Variants in RYK observed in about 807,000 individuals in gnomAD.
RYK encodes inactive tyrosine-protein kinase RYK.
RYK carries 21 observed loss-of-function variants against 70.2 expected under a neutral mutation model. The ratio of observed to expected loss-of-function variants is 0.30; its 90% CI spans 0.21 to 0.43. The LOEUF is 0.43. Ranked by LOEUF, RYK falls within the 20% of genes least tolerant of loss-of-function variation. The pLI, the probability that RYK is intolerant of heterozygous loss-of-function variation, is 1.00. For synonymous variants in RYK, 267 were observed against 278.0 expected (o/e 0.96, Z 0.39); for missense variants, 604 against 753.3 (o/e 0.80, Z 2.32).
chr3:134,233,726 T>C (rs1162839443), intron 1 of RYK, among the ~76,000 whole-genome samples: 1 of 152,180 alleles, frequency 6.6e-6, no homozygotes, highest in Admixed American at 6.5e-5. Flanking sequence ...TAGGCTTCTT[T>C]GAAGACAGGT....
chr3:134,225,199 G>T (rs1405408601), intron 1 of RYK, among the ~76,000 whole-genome samples: 2 of 152,226 alleles, frequency 1.3e-5, no homozygotes, highest in Admixed American at 6.5e-5. Context: ...GGAGAAAGGG[G>T]TTAGAGGAAA....
intron 10 of RYK, chr3:134,179,335 C>A (rs1238255524): frequency 6.6e-6 from 1 of 152,174 alleles, no homozygotes; most frequent in Admixed American, 6.5e-5. Flanking sequence ...GGCACAATCA[C>A]CAATGCACAA....
At chr3:134,159,421 C>CA (rs2012374108) in intron 13 of RYK, 48 bp from the exon 14 acceptor site, 1 of 1,526,348 alleles carries the variant, frequency 6.6e-7, no homozygotes, top group East Asian at 2.3e-5. Context: ...AAACAACAGT[C>CA]AGGGGGCTAG....
intron 1 of RYK, among the ~76,000 whole-genome samples, chr3:134,236,007 TG>T (rs2015191266): frequency 2.0e-5 from 3 of 151,662 alleles, no homozygotes; most frequent in Admixed American, 2.0e-4. Context: ...GTGCCTTATT[TG>T]GGAAAAAAAA....
chr3:134,225,776 G>A (rs1327429414), intron 1 of RYK, among the ~76,000 whole-genome samples: 1 of 151,870 alleles, frequency 6.6e-6, no homozygotes, highest in African/African-American at 2.4e-5. Context: ...AGGATGGCTT[G>A]AGCTCAGGAA....
intron 1 of RYK, among the ~76,000 whole-genome samples, chr3:134,232,339 A>ACTC (rs1371004299): frequency 6.6e-6 from 1 of 151,834 alleles, no homozygotes; most frequent in Non-Finnish European, 1.5e-5. Context: ...TCTTGAACTC[A>ACTC]CTCCTCTACT....
chr3:134,185,375 C>G (rs953946919), intron 9 of RYK, among the ~76,000 whole-genome samples: 1 of 152,122 alleles, frequency 6.6e-6, no homozygotes, highest in African/African-American at 2.4e-5. Flanking sequence ...CCACATCTAC[C>G]CATTGGAATC....
chr3:134,191,928 A>G lies in RYK; in HGVS notation c.936T>C (p.Thr312=). 1 of 1,613,578 alleles carries G rather than the reference A, an allele frequency of 6.2e-7. No individual in the cohort carries two copies. Among genetic ancestry groups the G allele is most frequent in the South Asian group, 1.1e-5 (1 of 90,992 alleles). The change falls in exon 8 of 15, where the codon ACT becomes ACC. Residue 312 remains threonine, a synonymous_variant. Coordinates refer to ENST00000623711, the MANE Select transcript of RYK (RefSeq NM_002958.4). ...RIEKNDLRSV[T]LLEAKGKVKD... is the part of the protein sequence containing the mutation. The stretch of plus-strand genomic sequence containing the variant: ...TCACCTTGCCTTTGGCCTCCAAAAG[A>G]GTGACACTTCTCAAGTCGTTCTTCT...
intron 1 of RYK, among the ~76,000 whole-genome samples, chr3:134,231,193 C>CA (rs76361855): frequency 0.11 from 11,273 of 107,280 alleles, 845 homozygotes; most frequent in East Asian, 0.34. Context: ...CAGACAAGAC[C>CA]AAAAAAAAAA....
intron 13 of RYK, among the ~76,000 whole-genome samples, chr3:134,172,966 T>C (rs908319392): frequency 2.0e-5 from 3 of 152,242 alleles, no homozygotes; most frequent in Non-Finnish European, 2.9e-5. Context: ...TGTTAGCTTC[T>C]GAGACTGCTC....
intron 1 of RYK, among the ~76,000 whole-genome samples, chr3:134,224,124 T>C (rs1416318026): frequency 1.3e-5 from 2 of 151,784 alleles, no homozygotes; most frequent in Non-Finnish European, 2.9e-5. Flanking sequence ...GACAAAGAAA[T>C]AGAAAAAAGG....
At chr3:134,167,606 C>T (rs1356812411) in intron 13 of RYK, among the ~76,000 whole-genome samples, 2 of 152,120 alleles carry the variant, frequency 1.3e-5, no homozygotes, top group African/African-American at 4.8e-5. Flanking sequence ...TTCCTTACAC[C>T]TTATACAAAC....
In RYK at chr3:134,178,027, G is replaced by T; in HGVS notation, c.1219C>A (p.Pro407Thr). The change falls in exon 11 of 15, where the codon CCC becomes ACC. Residue 407 changes from proline to threonine, a missense_variant. Physicochemically the swap from Pro to Thr is conservative, Grantham distance 38. Coordinates refer to ENST00000623711, the MANE Select transcript of RYK (RefSeq NM_002958.4). ...TTCATGTAAGGCAATATCACCATGG[G>T]CTTTTCTCCTTCTTCTATACACACA... Reference protein sequence around the residue: ...THVCIEEGEKPMVILPYMNWG... With the variant: ...THVCIEEGEKTMVILPYMNWG... 3 of 1,605,146 alleles carry T rather than the reference G, an allele frequency of 1.9e-6. No homozygotes were observed. Among genetic ancestry groups the T allele is most frequent in the Non-Finnish European group, 2.6e-6 (3 of 1,172,996 alleles).
intron 1 of RYK, among the ~76,000 whole-genome samples, chr3:134,222,882 T>C (rs1367253610): frequency 6.6e-6 from 1 of 152,076 alleles, no homozygotes; most frequent in Non-Finnish European, 1.5e-5. Flanking sequence ...TACAAAGAAA[T>C]GCCCCTTCCC....
At chr3:134,188,305 C>T (rs556754393) in intron 9 of RYK, among the ~76,000 whole-genome samples, 21 of 151,832 alleles carry the variant, frequency 1.4e-4, no homozygotes, top group African/African-American at 1.9e-4. Flanking sequence ...GGATTACAGG[C>T]GTGAGCCACC....
intron 9 of RYK, among the ~76,000 whole-genome samples, chr3:134,184,990 C>T (rs1159797068): frequency 7.0e-6 from 1 of 142,918 alleles, no homozygotes; most frequent in Non-Finnish European, 1.5e-5. Context: ...AAAAAATTAG[C>T]AGGGTGTGGT....
chr3:134,227,305 A>G (rs986552429), intron 1 of RYK, among the ~76,000 whole-genome samples: 20 of 152,322 alleles, frequency 1.3e-4, no homozygotes, highest in African/African-American at 4.6e-4. Context: ...ATACTGTACC[A>G]TTCTCCTTAG....
intron 13 of RYK, among the ~76,000 whole-genome samples, chr3:134,173,528 C>T (rs1488487235): frequency 6.6e-6 from 1 of 152,110 alleles, no homozygotes; most frequent in Non-Finnish European, 1.5e-5. Flanking sequence ...GAAGCAGGCA[C>T]CTTCCTCACA....
chr3:134,241,727 T>C (rs2015330989), intron 1 of RYK, among the ~76,000 whole-genome samples: 1 of 152,216 alleles, frequency 6.6e-6, no homozygotes, highest in African/African-American at 2.4e-5. Flanking sequence ...GGCAGCACAG[T>C]AGAGAAAGCA....
Sources: gnomAD v4.1 joint callset for allele counts (sites outside exome capture counted in the v4.1 genomes callset) on GRCh38, gnomAD v4.1.1 for gene constraint, MANE v1.5 for transcripts, NCBI Gene and HGNC (gene_info 2026-07-23, HGNC 2026-07-21) for gene names.